The following GFRA4 variants were observed in gnomAD, a reference collection of about 807,000 sequenced individuals.
The protein encoded by GFRA4 is GDNF family receptor alpha 4.
Under a neutral mutation model 28.5 loss-of-function variants are expected in GFRA4, and 31 were observed. The ratio of observed to expected loss-of-function variants is 1.09; its 90% CI spans 0.82 to 1.47. The LOEUF (loss-of-function observed/expected upper bound fraction) is 1.47, where lower values mean the gene tolerates loss of function less well. Among genes scored for constraint, GFRA4 ranks in the 40% most tolerant of loss-of-function variants. The pLI is 0.00. For missense variants in GFRA4, 389 were observed against 413.2 expected, an observed-to-expected ratio of 0.94 and a Z score of 0.51; for synonymous variants, 188 against 188.0, an observed-to-expected ratio of 1.00 and a Z score of 0.00.
chr20:3,660,932 G>T lies in GFRA4; in HGVS notation c.392+12C>A. 1 of 1,377,234 alleles carries T rather than the reference G, an allele frequency of 7.3e-7. No individual in the cohort carries two copies. The highest frequency in any genetic ancestry group is 9.3e-7 in the Non-Finnish European group (1 of 1,076,616). The allele number at this position is 1,377,234 out of a possible 1,614,324, so 85.3% of individuals were successfully genotyped here. The stretch of plus-strand genomic sequence containing the variant: ...CCACCCTCGCCACGGCCCCGCCGCC[G>T]CCCGCGCGCACCTGCAGACCCGGCT... On this transcript the variant is annotated intron_variant, in intron 2 of 5. Transcript: ENST00000290417.
At position 3,659,914 on chromosome 20, in the gene GFRA4, G is replaced by A; in HGVS notation, c.805C>T (p.Leu269Phe). Residue 269 changes from leucine to phenylalanine, a missense_variant, in exon 6 of 6, where the codon CTC becomes TTC. By Grantham distance (22) the Leu-to-Phe change is conservative. Coordinates refer to ENST00000290417, the MANE Select transcript of GFRA4 (RefSeq NM_022139.4). The part of the protein sequence containing the change: ...ILPVLALPAL[L>F] ...ATCCGAGGTCGCTGTCCTAATCAGA[G>A]CAGGGCCGGGAGAGCCAGGACAGGA... The A allele has an allele frequency of 6.3e-7, 1 of 1,594,044 alleles. No individual in the cohort carries two copies. The highest frequency in any genetic ancestry group is 1.1e-5 in the South Asian group (1 of 87,130).
rs190146485 is a variant in GFRA4, at chr20:3,660,436, C to G, written c.637+90G>C. ...ACTCAACTGTACAGTCTTCCATTCT[C>G]CCCTCTAAAATGGCTCCCAGCCAGG... On this transcript the variant is annotated intron_variant, in intron 4 of 5. Transcript: ENST00000290417. 1,146 of 1,310,804 alleles carry G rather than the reference C, an allele frequency of 8.7e-4. 7 individuals carry two copies. In the African/African-American group the frequency reaches 0.014, roughly 17 times the overall value. The allele number at this position is 1,310,804 out of a possible 1,614,324, so 81.2% of individuals were successfully genotyped here.
rs919068307 is a variant in GFRA4, at chr20:3,659,812, T to C, written c.*97A>G. 8.3e-7 allele frequency: 1 copy of C among 1,198,166 alleles called. No homozygotes were observed. Among genetic ancestry groups the C allele is most frequent in the Non-Finnish European group, 1.2e-6 (1 of 838,848 alleles). 74.2% of individuals were successfully genotyped at this position (1,198,166 alleles called of 1,614,324 possible). A position where few individuals can be genotyped will look rare whatever the true frequency, so the allele number is the denominator to read the frequency against. On this transcript the variant is annotated 3_prime_UTR_variant, in exon 6 of 6. Coordinates refer to ENST00000290417, the MANE Select transcript of GFRA4 (RefSeq NM_022139.4). The stretch of plus-strand genomic sequence containing the variant: ...AAAGCACCAGGGCCGGCTTGGGGGG[T>C]AAGCCAGCCCCTTCTCAAGGGGCCA...
chr20:3,663,250 G>A, intron 1 of GFRA4, 104 bp downstream of exon 1: 1 of 1,395,690 alleles, frequency 7.2e-7, no homozygotes, highest in Non-Finnish European at 9.9e-7. Context: ...AACCCTTCCT[G>A]TGGTTCAGCT....
intron 5 of GFRA4, 81 bp downstream of exon 5, chr20:3,660,077 C>T (rs948115902): frequency 2.0e-6 from 3 of 1,508,392 alleles, no homozygotes; most frequent in Admixed American, 2.1e-5. Flanking sequence ...TTCATGCCTC[C>T]ACCCAGGCCC....
rs1298175867 is a variant in GFRA4, at chr20:3,660,616, C to T, written c.547G>A (p.Val183Met). The change falls in exon 4 of 6, where the codon GTG becomes ATG. Residue 183 changes from valine to methionine, a missense_variant. Val to Met is a conservative substitution (Grantham distance 21). Transcript: ENST00000290417. ...GCTCCGCAGTCGCACCAGGGCGCCA[C>T]GCGCGCGCTCACGTTGTCCACGTAG... is the stretch of plus-strand genomic sequence containing the variant. ...PNYVDNVSAR[V>M]APWCDCGASG... The T allele has an allele frequency of 6.4e-7, 1 of 1,551,100 alleles. No individual in the cohort carries two copies. The highest frequency in any genetic ancestry group is 8.7e-7 in the Non-Finnish European group (1 of 1,147,460).
At chr20:3,662,982 G>A (rs1430434883) in intron 1 of GFRA4, among the ~76,000 whole-genome samples, 1 of 152,202 alleles carries the variant, frequency 6.6e-6, no homozygotes, top group African/African-American at 2.4e-5. Context: ...GTCCAAGAAG[G>A]TGGAACAACA....
At chr20:3,661,423 C>A in intron 1 of GFRA4, 134 bp from the exon 2 acceptor site, 1 of 1,293,268 alleles carries the variant, frequency 7.7e-7, no homozygotes, top group East Asian at 3.2e-5. Flanking sequence ...AAGGCGGGGC[C>A]GACTGGCACT....
chr20:3,660,667 G>A lies in GFRA4; in HGVS notation c.503-7C>T. 3 of 1,544,080 alleles carry A rather than the reference G, an allele frequency of 1.9e-6. No homozygotes were observed. Among genetic ancestry groups the A allele is most frequent in the Non-Finnish European group, 2.6e-6 (3 of 1,144,340 alleles). ...TTAGGGGTGACGGCGGTGCCTGCGG[G>A]GACCCTGAGGGCGAAGTCATCGGCC... is the stretch of plus-strand genomic sequence containing the variant. On this transcript the variant is annotated splice_region_variant and splice_polypyrimidine_tract_variant and intron_variant, in intron 3 of 5. Transcript: ENST00000290417.
chr20:3,659,740 AG>A lies in GFRA4; in HGVS notation c.*168del. 3.1e-6 allele frequency: 2 copies of A among 636,366 alleles called. No individual in the cohort carries two copies. The highest frequency in any genetic ancestry group is 2.8e-5 in the East Asian group (1 of 35,520). The allele number at this position is 636,366 out of a possible 1,614,324, so 39.4% of individuals were successfully genotyped here. A position where few individuals can be genotyped will look rare whatever the true frequency, so the allele number is the denominator to read the frequency against. ...GGCCCCAGCCTACATCCCTTGCCCCAGGGGACGGCACACAGGGTGTCCAAAC... is the reference window on the plus strand; with the variant it reads ...GGCCCCAGCCTACATCCCTTGCCCCAGGGACGGCACACAGGGTGTCCAAAC... On this transcript the variant is annotated 3_prime_UTR_variant, in exon 6 of 6. Transcript: ENST00000290417.
chr20:3,660,392 G>T (rs971723770), intron 4 of GFRA4, 134 bp downstream of exon 4: 14 of 1,086,524 alleles, frequency 1.3e-5, no homozygotes, highest in Middle Eastern at 2.3e-4. Context: ...AAAATAATAA[G>T]CACAGCTGTG....
chr20:3,662,704 T>C (rs1161731614), intron 1 of GFRA4, among the ~76,000 whole-genome samples: 3 of 152,152 alleles, frequency 2.0e-5, no homozygotes, highest in African/African-American at 7.2e-5. Context: ...GGGCACACTT[T>C]GCTTTCCTCT....
At position 3,660,799 on chromosome 20, in the gene GFRA4, A is replaced by G. The variant is rs933347847; in HGVS notation, c.458T>C (p.Leu153Pro). Residue 153 changes from leucine (L) to proline (P), a missense_variant, in exon 3 of 6, where the codon CTG becomes CCG. By Grantham distance (98) the Leu-to-Pro change is moderately conservative. Transcript: ENST00000290417. ...PAPSAPDGCL[L>P]DQGARCLRAY... is the part of the protein sequence containing the mutation. ...GCGCAGGCAGCGGGCGCCCTGGTCCAGCAGGCAGCCGTCGGGGGCGCTGGG... is the reference window on the plus strand; with the variant it reads ...GCGCAGGCAGCGGGCGCCCTGGTCCGGCAGGCAGCCGTCGGGGGCGCTGGG... 8 of 1,415,230 alleles carry G rather than the reference A, an allele frequency of 5.7e-6. No homozygotes were observed. In the East Asian group the frequency reaches 2.0e-4, roughly 35 times the overall value. 87.7% of individuals were successfully genotyped at this position (1,415,230 alleles called of 1,614,324 possible).
In GFRA4 at chr20:3,663,392, C is replaced by T. The variant is rs1004121597; in HGVS notation, c.8G>A (p.Arg3His). The T allele has an allele frequency of 5.0e-6, 8 of 1,609,858 alleles. No homozygotes were observed. Among genetic ancestry groups the T allele is most frequent in the Admixed American group, 1.7e-5 (1 of 59,586 alleles). MV[R>H]CLGPALLLLL... ...CAGCAGCAGCGCAGGCCCCAGGCAG[C>T]GGACCATGCTGGACCTTCAACAGAG... is the stretch of plus-strand genomic sequence containing the variant. The change falls in exon 1 of 6, where the codon CGC becomes CAC. Residue 3 changes from arginine to histidine, a missense_variant. Arg to His is a conservative substitution (Grantham distance 29). Coordinates refer to ENST00000290417, the MANE Select transcript of GFRA4 (RefSeq NM_022139.4).
chr20:3,660,252 A>G lies in GFRA4; in HGVS notation c.638-3T>C, dbSNP rs368122128. ...GGCAAAGGCCTGAATGGCACCATCT[A>G]TGGAGGGAGGGGTCCAGGGTGGACT... On this transcript the variant is annotated splice_region_variant and splice_polypyrimidine_tract_variant and intron_variant, in intron 4 of 5. Coordinates refer to ENST00000290417, the MANE Select transcript of GFRA4 (RefSeq NM_022139.4). 8.1e-6 allele frequency: 13 copies of G among 1,602,584 alleles called. No homozygotes were observed. Among genetic ancestry groups the G allele is most frequent in the Non-Finnish European group, 1.1e-5 (13 of 1,174,820 alleles).
At chr20:3,663,305 G>A (rs1373504810) in intron 1 of GFRA4, 49 bp downstream of exon 1, 2 of 1,581,060 alleles carry the variant, frequency 1.3e-6, no homozygotes, top group African/African-American at 1.3e-5. Context: ...TGAGGAGCAG[G>A]GACAGAGAGG....
Position 3,661,068 on chromosome 20 carries a change from C to T in GFRA4, c.268G>A (p.Gly90Ser). The part of the protein sequence containing the change: ...THALLFCPCA[G>S]PACAERRRQT... ...CGCCGACGCTCGGCGCACGCGGGGCCCGCGCACGGGCAGAAGAGCAGTGCG... is the reference window on the plus strand; with the variant it reads ...CGCCGACGCTCGGCGCACGCGGGGCTCGCGCACGGGCAGAAGAGCAGTGCG... Residue 90 changes from glycine to serine, a missense_variant, in exon 2 of 6, where the codon GGC (glycine) becomes AGC (serine). Transcript: ENST00000290417. 1.3e-5 allele frequency: 19 copies of T among 1,443,988 alleles called. No individual in the cohort carries two copies. Among genetic ancestry groups the T allele is most frequent in the Non-Finnish European group, 1.6e-5 (18 of 1,105,824 alleles). The allele number at this position is 1,443,988 out of a possible 1,614,324, so 89.4% of individuals were successfully genotyped here.
chr20:3,663,312 G>C (rs1227017938), intron 1 of GFRA4, 42 bp downstream of exon 1: 2 of 1,597,526 alleles, frequency 1.3e-6, no homozygotes, highest in East Asian at 2.3e-5. Context: ...CAGGGACAGA[G>C]AGGCCAGGGT....
At chr20:3,660,040 C>T in intron 5 of GFRA4, 51 bp from the exon 6 acceptor site, 1 of 1,525,842 alleles carries the variant, frequency 6.6e-7, no homozygotes, top group Non-Finnish European at 8.8e-7. Flanking sequence ...TGTCTCTGCC[C>T]TCTGCCTGCA....
Sources: allele counts gnomAD v4.1 joint callset (sites outside exome capture counted in the v4.1 genomes callset), GRCh38; gene constraint gnomAD v4.1.1; transcripts MANE v1.5; gene names NCBI Gene and HGNC (gene_info 2026-07-23, HGNC 2026-07-21).